The following EIF4G3 variants were observed in gnomAD, a reference collection of about 807,000 sequenced individuals.
EIF4G3 encodes the protein eukaryotic translation initiation factor 4 gamma 3, also known as eIF-4-gamma 3.
EIF4G3 carries 34 observed loss-of-function variants against 186.4 expected under a neutral mutation model. That is an observed-to-expected ratio of 0.18 (90% CI 0.14 to 0.24). The LOEUF is 0.24. EIF4G3 is among the 10% of genes least tolerant of loss of function. EIF4G3 has a pLI of 1.00. For missense variants in EIF4G3, 1,536 were observed against 1,948.5 expected (o/e 0.79, Z 3.99); for synonymous variants, 673 against 679.5 (o/e 0.99, Z 0.15).
At chr1:20,969,241 T>A (rs1233188548) in intron 12 of EIF4G3, among the ~76,000 whole-genome samples, 1 of 152,184 alleles carries the variant, frequency 6.6e-6, no homozygotes, top group African/African-American at 2.4e-5. Flanking sequence ...TGGCAGCACC[T>A]CACCTGTGCT....
At chr1:21,076,358 C>T (rs925925951) in intron 3 of EIF4G3, among the ~76,000 whole-genome samples, 15 of 151,806 alleles carry the variant, frequency 9.9e-5, no homozygotes, top group African/African-American at 3.1e-4. Context: ...AGTAGTAAAA[C>T]GAAAGTTTAT....
chr1:20,895,511 G>A lies in EIF4G3; in HGVS notation c.2000-10C>T. 1 of 1,613,164 alleles carries A rather than the reference G, an allele frequency of 6.2e-7. No individual in the cohort carries two copies. Among genetic ancestry groups the A allele is most frequent in the Admixed American group, 1.7e-5 (1 of 59,876 alleles). The stretch of plus-strand genomic sequence containing the variant: ...GTAGGCTTCCAGGATTCTAGAAAGA[G>A]GAATATAGGCAGACACTGTTTGTAG... On this transcript the variant is annotated splice_polypyrimidine_tract_variant and intron_variant, in intron 16 of 36. Coordinates refer to ENST00000602326, the MANE Select transcript of EIF4G3 (RefSeq NM_001391906.1).
chr1:21,114,796 T>C (rs1038388405), intron 2 of EIF4G3, among the ~76,000 whole-genome samples: 5 of 152,206 alleles, frequency 3.3e-5, no homozygotes, highest in Non-Finnish European at 5.9e-5. Context: ...AATGTGCATG[T>C]TGGGGAAAAA....
chr1:21,116,636 G>A (rs1011906673), intron 2 of EIF4G3, among the ~76,000 whole-genome samples: 1 of 151,834 alleles, frequency 6.6e-6, no homozygotes, highest in Non-Finnish European at 1.5e-5. Context: ...TCAGGAGTTC[G>A]AGACCAGCCT....
intron 2 of EIF4G3, among the ~76,000 whole-genome samples, chr1:21,091,837 G>T (rs893262382): frequency 1.3e-5 from 2 of 152,160 alleles, no homozygotes; most frequent in Non-Finnish European, 2.9e-5. Context: ...TTTGCACATT[G>T]ATTTTGTATC....
At chr1:20,936,007 G>GAA (rs2095506436) in intron 14 of EIF4G3, among the ~76,000 whole-genome samples, 1 of 152,186 alleles carries the variant, frequency 6.6e-6, no homozygotes, top group Admixed American at 6.5e-5. Flanking sequence ...CCCAATGACT[G>GAA]AGACTTTAGG....
At chr1:21,054,483 GA>G (rs1179781487) in intron 3 of EIF4G3, among the ~76,000 whole-genome samples, 3 of 150,518 alleles carry the variant, frequency 2.0e-5, no homozygotes, top group Non-Finnish European at 4.4e-5. Flanking sequence ...AAAAAGAAAA[GA>G]AAAAGAAAAA....
chr1:21,051,116 GA>G, intron 3 of EIF4G3, 122 bp from the exon 4 acceptor site: 1 of 606,848 alleles, frequency 1.6e-6, no homozygotes, highest in Middle Eastern at 4.1e-4. Flanking sequence ...AAATAAGCAC[GA>G]GACTGAACAA....
chr1:21,120,092 T>C (rs1209305399), intron 2 of EIF4G3, among the ~76,000 whole-genome samples: 1 of 151,022 alleles, frequency 6.6e-6, no homozygotes, highest in African/African-American at 2.4e-5. Context: ...GGCCCAATAG[T>C]CCATCTGCAA....
rs577640083 is a variant in EIF4G3 at position 20,881,076 on chromosome 1, G to A, written c.2425-1556C>T. Among the ~76,000 whole-genome samples the A allele has an allele frequency of 2.6e-5, 4 of 152,286 alleles. No homozygotes were observed. In the East Asian group the frequency reaches 7.7e-4, roughly 29 times the overall value. On this transcript the variant is annotated intron_variant, in intron 19 of 36. Coordinates refer to ENST00000602326, the MANE Select transcript of EIF4G3 (RefSeq NM_001391906.1). ...TTGGAGAATTGAATTCACACAACCA[G>A]ATTTCAAAACTTTCTATATAAAGAC...
At chr1:20,813,956 T>G (rs1403047324) in intron 34 of EIF4G3, among the ~76,000 whole-genome samples, 1 of 137,900 alleles carries the variant, frequency 7.3e-6, no homozygotes, top group East Asian at 2.1e-4. Flanking sequence ...TGTTTTTTTT[T>G]TTTTTTTTTT....
intron 20 of EIF4G3, among the ~76,000 whole-genome samples, chr1:20,870,453 T>G (rs1571971125): frequency 6.6e-6 from 1 of 152,108 alleles, no homozygotes; most frequent in South Asian, 2.1e-4. Flanking sequence ...CTCATTCAAG[T>G]TGGTTATTCT....
At chr1:21,031,516 A>G (rs936201530) in intron 4 of EIF4G3, among the ~76,000 whole-genome samples, 3 of 152,174 alleles carry the variant, frequency 2.0e-5, no homozygotes, top group African/African-American at 7.2e-5. Flanking sequence ...TATAAAGAAT[A>G]TAAGAACACT....
intron 12 of EIF4G3, among the ~76,000 whole-genome samples, chr1:20,967,999 C>T (rs1043374557): frequency 4.6e-5 from 7 of 152,240 alleles, no homozygotes; most frequent in Admixed American, 3.9e-4. Context: ...TGCTATGTTG[C>T]CCAAGCTGGA....
At chr1:20,945,474 T>A (rs936201382) in intron 13 of EIF4G3, among the ~76,000 whole-genome samples, 9 of 152,200 alleles carry the variant, frequency 5.9e-5, no homozygotes, top group African/African-American at 2.2e-4. Flanking sequence ...ATATGTTTTG[T>A]TCTGTTTCTG....
intron 12 of EIF4G3, among the ~76,000 whole-genome samples, chr1:20,966,163 A>T (rs2074601717): frequency 6.6e-6 from 1 of 152,186 alleles, no homozygotes; most frequent in Non-Finnish European, 1.5e-5. Flanking sequence ...AGGCTTGGTT[A>T]TCCACAGCAT....
intron 30 of EIF4G3, among the ~76,000 whole-genome samples, chr1:20,838,961 G>A (rs1254290463): frequency 2.0e-5 from 3 of 152,128 alleles, no homozygotes; most frequent in African/African-American, 7.2e-5. Flanking sequence ...ACAGGTGTGA[G>A]CCACCATGCC....
chr1:20,950,395 C>G (rs2096156718), intron 12 of EIF4G3, among the ~76,000 whole-genome samples: 1 of 152,012 alleles, frequency 6.6e-6, no homozygotes, highest in South Asian at 2.1e-4. Context: ...AATTTATTCC[C>G]CAGTGTTCCT....
intron 2 of EIF4G3, among the ~76,000 whole-genome samples, chr1:21,108,944 G>A (rs1450391767): frequency 6.6e-6 from 1 of 151,014 alleles, no homozygotes; most frequent in African/African-American, 2.4e-5. Flanking sequence ...GGCCAGGTGT[G>A]GTGGCTCAAT....
Sources: allele counts gnomAD v4.1 joint callset (sites outside exome capture counted in the v4.1 genomes callset), GRCh38; gene constraint gnomAD v4.1.1; transcripts MANE v1.5; gene names NCBI Gene and HGNC (gene_info 2026-07-23, HGNC 2026-07-21).